Variants in IRAK2 observed in about 807,000 individuals in gnomAD.
The protein encoded by IRAK2 is interleukin 1 receptor associated kinase 2.
A neutral mutation model predicts 72.0 loss-of-function variants in IRAK2; 57 were observed. That is an observed-to-expected ratio of 0.79 (90% CI 0.64 to 0.99). IRAK2 has a LOEUF of 0.99. IRAK2 is among the 50% of genes least tolerant of loss of function. The probability of loss-of-function intolerance (pLI) is 0.00; values close to 1 mark genes in which losing one functional copy is unlikely to be tolerated. For missense variants in IRAK2, 790 were observed against 794.4 expected (o/e 0.99, Z 0.07); for synonymous variants, 293 against 312.7 (o/e 0.94, Z 0.67).
Position 10,236,120 on chromosome 3 carries a change from G to A in IRAK2, c.1473+1461G>A, listed in dbSNP as rs74700399. Among the ~76,000 whole-genome samples the A allele has an allele frequency of 3.6e-3, 551 of 152,160 alleles. 1 individual carries two copies. The highest frequency in any genetic ancestry group is 6.1e-3 in the Non-Finnish European group (415 of 67,992). On this transcript the variant is annotated intron_variant, in intron 11 of 12. Coordinates refer to ENST00000256458, the MANE Select transcript of IRAK2 (RefSeq NM_001570.4). ...CCACCCTGTTGACCTTCCTGAGGAA[G>A]GGGGGTTTAAGCACACGAAGAGCAA...
At chr3:10,172,567 C>T (rs568582024) in intron 1 of IRAK2, among the ~76,000 whole-genome samples, 18 of 138,686 alleles carry the variant, frequency 1.3e-4, no homozygotes, top group African/African-American at 4.5e-4. Flanking sequence ...AGGCCGGGCG[C>T]GGTGGCTCAT....
chr3:10,199,707 C>T (rs997548618), intron 2 of IRAK2, among the ~76,000 whole-genome samples: 4 of 152,126 alleles, frequency 2.6e-5, no homozygotes, highest in Admixed American at 2.6e-4. Context: ...ACATGACACC[C>T]CAGCGGGAGG....
At chr3:10,209,989 G>A (rs562899387) in intron 4 of IRAK2, among the ~76,000 whole-genome samples, 3 of 152,170 alleles carry the variant, frequency 2.0e-5, no homozygotes, top group Admixed American at 6.5e-5. Context: ...GCACGATCTC[G>A]GGTCACTGCA....
rs374087042 is a variant in IRAK2, at chr3:10,226,390, C to G, written c.1229C>G (p.Thr410Arg). 12 of 1,613,412 alleles carry G rather than the reference C, an allele frequency of 7.4e-6. No individual in the cohort carries two copies. The highest frequency in any genetic ancestry group is 1.0e-5 in the Non-Finnish European group (12 of 1,179,766). Residue 410 changes from threonine to arginine, a missense_variant, in exon 10 of 13, where the codon ACG (threonine) becomes AGG (arginine). Thr to Arg is a moderately conservative substitution (Grantham distance 71). Coordinates refer to ENST00000256458, the MANE Select transcript of IRAK2 (RefSeq NM_001570.4). ...SCGIVLAEVLTGIPAMDNNRS... is the reference protein window; with the variant it reads ...SCGIVLAEVLRGIPAMDNNRS... ...CTCCAGGTGTTGGCCGAGGTCCTCA[C>G]GGGCATCCCTGCAATGGATAACAAC...
At chr3:10,231,009 G>A (rs1242001107) in intron 10 of IRAK2, among the ~76,000 whole-genome samples, 4 of 151,950 alleles carry the variant, frequency 2.6e-5, no homozygotes, top group Non-Finnish European at 5.9e-5. Context: ...TGCCTCGGCG[G>A]CCTCCCAAGT....
intron 10 of IRAK2, among the ~76,000 whole-genome samples, chr3:10,230,719 C>T (rs1479994101): frequency 6.6e-6 from 1 of 152,022 alleles, no homozygotes; most frequent in African/African-American, 2.4e-5. Context: ...CAGGCACGTG[C>T]CGCCACTCCT....
intron 8 of IRAK2, 90 bp from the exon 9 acceptor site, chr3:10,222,546 T>G: frequency 3.0e-6 from 3 of 994,284 alleles, no homozygotes; most frequent in Admixed American, 2.0e-5. Flanking sequence ...GGAGGTGAGG[T>G]TGCTATATTG....
At chr3:10,240,625 T>TCTTGG (rs1273105400) in intron 12 of IRAK2, among the ~76,000 whole-genome samples, 1 of 135,586 alleles carries the variant, frequency 7.4e-6, no homozygotes, top group Non-Finnish European at 1.5e-5. Flanking sequence ...AATGGTGTGA[T>TCTTGG]CTTGGCTTAT....
intron 8 of IRAK2, among the ~76,000 whole-genome samples, chr3:10,222,344 C>G (rs1160677730): frequency 6.6e-6 from 1 of 152,130 alleles, no homozygotes; most frequent in African/African-American, 2.4e-5. Context: ...GCGTGGCAAG[C>G]TGAGGCTGAT....
intron 6 of IRAK2, 52 bp from the exon 7 acceptor site, chr3:10,216,882 A>T: frequency 7.5e-7 from 1 of 1,335,768 alleles, no homozygotes; most frequent in Non-Finnish European, 1.1e-6. Context: ...ATGAGGAAGT[A>T]GATCATTCTT....
chr3:10,212,294 T>C (rs1697533252), intron 4 of IRAK2, among the ~76,000 whole-genome samples: 1 of 152,164 alleles, frequency 6.6e-6, no homozygotes, highest in Non-Finnish European at 1.5e-5. Flanking sequence ...ATTATGAGTT[T>C]TTTTTGCAAT....
chr3:10,216,935 T>C lies in IRAK2; in HGVS notation c.790T>C (p.Cys264Arg). The change falls in exon 7 of 13, where the codon TGC becomes CGC. Residue 264 changes from cysteine to arginine, a missense_variant and splice_region_variant. By Grantham distance (180) the Cys-to-Arg change is radical. Coordinates refer to ENST00000256458, the MANE Select transcript of IRAK2 (RefSeq NM_001570.4). ...ACCTGCACTGACGCCCGATTCCAGA[T>C]GCTGCCACCCCAATGTCTTACCTGT... The part of the protein sequence containing the change: ...FQAELQICLR[C>R]CHPNVLPVLG... 1 of 1,613,250 alleles carries C rather than the reference T, an allele frequency of 6.2e-7. No individual in the cohort carries two copies. Among genetic ancestry groups the C allele is most frequent in the East Asian group, 2.2e-5 (1 of 44,886 alleles).
At chr3:10,165,114 C>A (rs1022117683) in intron 1 of IRAK2, 66 bp downstream of exon 1, 2 of 1,422,670 alleles carry the variant, frequency 1.4e-6, no homozygotes, top group African/African-American at 1.4e-5. Context: ...CCGCCTGGAG[C>A]GGCCGCCAAG....
At chr3:10,240,394 C>T (rs9864671) in intron 12 of IRAK2, among the ~76,000 whole-genome samples, 104,381 of 149,546 alleles carry the variant, frequency 0.7, 36,872 homozygotes, top group East Asian at 0.99. Flanking sequence ...GAGGTGGAGG[C>T]TGCAGTGAGC....
In IRAK2 at chr3:10,213,345, G is replaced by A; in HGVS notation, c.667G>A (p.Asp223Asn). 1 of 1,614,138 alleles carries A rather than the reference G, an allele frequency of 6.2e-7. No individual in the cohort carries two copies. The highest frequency in any genetic ancestry group is 1.1e-5 in the South Asian group (1 of 91,076). Residue 223 changes from aspartate to asparagine, a missense_variant, in exon 5 of 13, where the codon GAC becomes AAC. Transcript: ENST00000256458. ...NRKISQGTFA[D>N]VYRGHRHGKP... is the part of the protein sequence containing the mutation. ...CAAAATCAGCCAGGGGACCTTTGCT[G>A]ACGTCTACAGAGGGCACAGGCACGG...
chr3:10,226,945 CAAA>C (rs200295331), intron 10 of IRAK2, among the ~76,000 whole-genome samples: 9,160 of 96,808 alleles, frequency 0.095, 278 homozygotes, highest in East Asian at 0.2. Context: ...GACTCCATCT[CAAA>C]AAAAAAAAAA....
intron 2 of IRAK2, among the ~76,000 whole-genome samples, chr3:10,180,119 C>A (rs11465865): frequency 6.6e-6 from 1 of 152,054 alleles, no homozygotes; most frequent in Admixed American, 6.6e-5. Context: ...GCTGTGAAGT[C>A]GAAGAGAATA....
chr3:10,231,287 AT>A (rs1697858095), intron 10 of IRAK2, among the ~76,000 whole-genome samples: 1 of 151,850 alleles, frequency 6.6e-6, no homozygotes, highest in African/African-American at 2.4e-5. Context: ...TTAACCACTT[AT>A]GTTTAATTTT....
At chr3:10,205,904 T>C (rs1312412869) in intron 3 of IRAK2, among the ~76,000 whole-genome samples, 1 of 152,144 alleles carries the variant, frequency 6.6e-6, no homozygotes, top group East Asian at 1.9e-4. Flanking sequence ...GGTACTGAGC[T>C]GAGGCCAAGA....
Sources: gnomAD v4.1 joint callset for allele counts (sites outside exome capture counted in the v4.1 genomes callset) on GRCh38, gnomAD v4.1.1 for gene constraint, MANE v1.5 for transcripts, NCBI Gene and HGNC (gene_info 2026-07-23, HGNC 2026-07-21) for gene names.